Variants in GPHN observed in about 807,000 individuals in gnomAD.
The protein encoded by GPHN is gephyrin.
Under a neutral mutation model 95.5 loss-of-function variants are expected in GPHN, and 17 were observed. That is an observed-to-expected ratio of 0.18 (90% CI 0.12 to 0.27). The LOEUF (loss-of-function observed/expected upper bound fraction) is 0.27. GPHN is among the 10% of genes least tolerant of loss of function. The probability of loss-of-function intolerance (pLI) is 1.00; values close to 1 mark genes in which losing one functional copy is unlikely to be tolerated. For synonymous variants in GPHN, 320 were observed against 322.5 expected (o/e 0.99, Z 0.08); for missense variants, 660 against 978.1 (o/e 0.67, Z 4.34).
intron 17 of GPHN, among the ~76,000 whole-genome samples, chr14:67,132,281 AT>A (rs2079766217): frequency 6.6e-6 from 1 of 152,080 alleles, no homozygotes; most frequent in Non-Finnish European, 1.5e-5. Context: ...ACACATCCTA[AT>A]TTTTCATTGC....
In GPHN at chr14:67,122,386, T is replaced by A. The variant is rs750872873; in HGVS notation, c.1748+9T>A. 2 of 1,611,830 alleles carry A rather than the reference T, an allele frequency of 1.2e-6. No homozygotes were observed. Among genetic ancestry groups the A allele is most frequent in the South Asian group, 2.2e-5 (2 of 91,040 alleles). On this transcript the variant is annotated intron_variant, in intron 17 of 22. Transcript: ENST00000478722. ...GGTATTGTAGGAGACAAGTAAGTAT[T>A]TGATGTCATTCTGAAAAGTTTGTAT...
At chr14:66,740,185 T>C (rs2072674041) in intron 2 of GPHN, among the ~76,000 whole-genome samples, 1 of 152,270 alleles carries the variant, frequency 6.6e-6, no homozygotes. Context: ...ATCAAATATA[T>C]GGTCAAATAT....
the GPHN span, among the ~76,000 whole-genome samples, chr14:67,665,508 T>C: frequency 1.3e-5 from 2 of 151,906 alleles, no homozygotes; most frequent in African/African-American, 4.8e-5. Context: ...GCTCAGGCAA[T>C]CCTCGACCTC....
At chr14:67,229,197 C>G in the GPHN span, among the ~76,000 whole-genome samples, 5 of 152,308 alleles carry the variant, frequency 3.3e-5, no homozygotes, top group East Asian at 9.6e-4. Context: ...CCAAGCTAAA[C>G]GCAAATTTGC....
intron 1 of GPHN, among the ~76,000 whole-genome samples, chr14:66,666,886 C>T (rs906334657): frequency 6.6e-6 from 1 of 152,124 alleles, no homozygotes; most frequent in African/African-American, 2.4e-5. Context: ...TCTAGAAAAC[C>T]CCAGTCGTCT....
chr14:67,157,402 A>T (rs763987079), intron 18 of GPHN, among the ~76,000 whole-genome samples: 2 of 152,234 alleles, frequency 1.3e-5, no homozygotes, highest in African/African-American at 2.4e-5. Flanking sequence ...CATTTCATCT[A>T]GTCCCCCAGT....
chr14:67,007,688 C>G (rs1229099956), intron 9 of GPHN, among the ~76,000 whole-genome samples: 1 of 152,206 alleles, frequency 6.6e-6, no homozygotes, highest in East Asian at 1.9e-4. Flanking sequence ...TTCGGTCAAC[C>G]TATGTCACTG....
At chr14:67,206,961 C>T in the GPHN span, among the ~76,000 whole-genome samples, 4 of 152,038 alleles carry the variant, frequency 2.6e-5, no homozygotes, top group Admixed American at 2.6e-4. Flanking sequence ...AACTTCTGGC[C>T]TCAAGTGATC....
At chr14:66,747,917 A>T (rs2058217956) in intron 2 of GPHN, among the ~76,000 whole-genome samples, 1 of 151,816 alleles carries the variant, frequency 6.6e-6, no homozygotes, top group African/African-American at 2.4e-5. Context: ...TATAGTGTTA[A>T]CATTAAATAA....
chr14:67,251,461 A>C, the GPHN span, among the ~76,000 whole-genome samples: 114 of 152,264 alleles, frequency 7.5e-4, 1 homozygote, highest in East Asian at 0.021. Context: ...TGAGTGTGGG[A>C]GGTTGAGGCT....
chr14:66,545,537 G>T (rs867199778), intron 1 of GPHN, among the ~76,000 whole-genome samples: 10 of 80,196 alleles, frequency 1.2e-4, no homozygotes, highest in Non-Finnish European at 1.6e-4. Flanking sequence ...CCTCCCGGAC[G>T]GGGCGGCTGG....
the GPHN span, among the ~76,000 whole-genome samples, chr14:67,564,134 C>A: frequency 2.3e-4 from 35 of 152,102 alleles, no homozygotes; most frequent in Admixed American, 3.9e-4. Flanking sequence ...ATCTCCTGAC[C>A]TCGTGATCCG....
chr14:66,847,690 C>G (rs1001026945), intron 4 of GPHN, among the ~76,000 whole-genome samples: 9 of 152,180 alleles, frequency 5.9e-5, no homozygotes, highest in African/African-American at 1.9e-4. Context: ...CAAGACCTTG[C>G]AAAGGATATG....
At chr14:66,837,144 C>T (rs1378133827) in intron 4 of GPHN, among the ~76,000 whole-genome samples, 5 of 151,260 alleles carry the variant, frequency 3.3e-5, no homozygotes, top group African/African-American at 1.2e-4. Context: ...CACATGCACA[C>T]GTATGTTTAT....
At chr14:66,957,395 C>T (rs1402677607) in intron 8 of GPHN, among the ~76,000 whole-genome samples, 2 of 151,560 alleles carry the variant, frequency 1.3e-5, no homozygotes, top group Admixed American at 6.6e-5. Context: ...GGGGTTTTGC[C>T]GTGTTGACCA....
chr14:67,295,560 C>T, the GPHN span, among the ~76,000 whole-genome samples: 219 of 150,960 alleles, frequency 1.5e-3, no homozygotes, highest in Non-Finnish European at 2.6e-3. Flanking sequence ...TGACAACAGT[C>T]ACTTCACAAA....
chr14:67,431,413 A>C, the GPHN span, among the ~76,000 whole-genome samples: 47,098 of 146,010 alleles, frequency 0.32, 8,444 homozygotes, highest in Middle Eastern at 0.43. Flanking sequence ...AAAAAAAAAA[A>C]AAAAAAAACG....
intron 5 of GPHN, among the ~76,000 whole-genome samples, chr14:66,901,100 A>G (rs117914374): frequency 0.012 from 1,829 of 152,100 alleles, 19 homozygotes; most frequent in Non-Finnish European, 0.018. Flanking sequence ...GAGTAAAATG[A>G]TATCTAATTG....
chr14:67,678,682 T>G, the GPHN span, among the ~76,000 whole-genome samples: 11 of 152,304 alleles, frequency 7.2e-5, no homozygotes, highest in Middle Eastern at 3.4e-3. Flanking sequence ...GGTCTTTATA[T>G]TCCCCTATTT....
Sources: gnomAD v4.1 joint callset for allele counts (sites outside exome capture counted in the v4.1 genomes callset) on GRCh38, gnomAD v4.1.1 for gene constraint, MANE v1.5 for transcripts, NCBI Gene and HGNC (gene_info 2026-07-23, HGNC 2026-07-21) for gene names.